Variants in DNAH11 observed in about 807,000 individuals in gnomAD.
DNAH11 encodes the protein axonemal beta dynein heavy chain 11.
DNAH11 carries 442 observed loss-of-function variants against 526.0 expected under a neutral mutation model. The ratio of observed to expected loss-of-function variants is 0.84; its 90% CI spans 0.78 to 0.91. The LOEUF (loss-of-function observed/expected upper bound fraction) is 0.91, where lower values mean the gene tolerates loss of function less well. DNAH11 is among the 40% of genes least tolerant of loss of function. DNAH11 has a pLI of 0.00. For synonymous variants in DNAH11, 2,461 were observed against 1,935.9 expected (o/e 1.27, Z -7.12); for missense variants, 6,989 against 5,448.7 (o/e 1.28, Z -8.90).
intron 20 of DNAH11, among the ~76,000 whole-genome samples, chr7:21,607,936 CAAAAAA>C (rs34293535): frequency 1.5e-4 from 10 of 68,648 alleles, no homozygotes; most frequent in Non-Finnish European, 1.8e-4. Context: ...GACTTCATCT[CAAAAAA>C]AAAAAAAAAA....
At chr7:21,844,893 G>C (rs12700310) in intron 66 of DNAH11, among the ~76,000 whole-genome samples, 80,001 of 152,036 alleles carry the variant, frequency 0.53, 24,138 homozygotes, top group Non-Finnish European at 0.69. Context: ...GTTCCCTGAG[G>C]CCTCCTTACA....
intron 44 of DNAH11, among the ~76,000 whole-genome samples, chr7:21,724,712 AACT>A (rs1785014954): frequency 3.5e-5 from 1 of 28,480 alleles, no homozygotes; most frequent in East Asian, 2.5e-3. Context: ...ATATGGGAGT[AACT>A]GGGCCAGGTC....
intron 28 of DNAH11, among the ~76,000 whole-genome samples, chr7:21,651,135 C>G (rs116597254): frequency 0.01 from 1,553 of 152,010 alleles, 25 homozygotes; most frequent in African/African-American, 0.036. Flanking sequence ...TGAATATTGT[C>G]ATTATGAATA....
At chr7:21,842,771 CA>C (rs752288701) in intron 66 of DNAH11, 23 bp downstream of exon 66, 2 of 1,570,628 alleles carry the variant, frequency 1.3e-6, no homozygotes, top group Non-Finnish European at 1.7e-6. Context: ...ACGTCACCAC[CA>C]ACACTTAGTC....
intron 69 of DNAH11, among the ~76,000 whole-genome samples, chr7:21,862,891 C>T (rs1583786088): frequency 6.6e-6 from 1 of 151,732 alleles, no homozygotes; most frequent in Admixed American, 6.6e-5. Context: ...AGTGAAACCC[C>T]GGCTCTACTA....
rs771087827 is a variant in DNAH11, at chr7:21,895,039, C to A, written c.13049+40C>A. 5.2e-6 allele frequency: 8 copies of A among 1,534,778 alleles called. No individual in the cohort carries two copies. The East Asian group carries it at 1.1e-4, about 22-fold the overall frequency. On this transcript the variant is annotated intron_variant, in intron 79 of 81. Coordinates refer to ENST00000409508, the MANE Select transcript of DNAH11 (RefSeq NM_001277115.2). ...CCTCACTGCCACTGGCCCTGAGCAG[C>A]CTCGGTGCTGGGTTAGTGTTCTGAA...
Position 21,561,694 on chromosome 7 carries a change from A to C in DNAH11, c.982+524A>C, listed in dbSNP as rs369014076. On this transcript the variant is annotated intron_variant, in intron 5 of 81. Coordinates refer to ENST00000409508, the MANE Select transcript of DNAH11 (RefSeq NM_001277115.2). The stretch of plus-strand genomic sequence containing the variant: ...GGAATCATAAAATGATATCCAGTCG[A>C]AAGTCTTCTCACCATCCTTGTCCTT... Among the ~76,000 whole-genome samples, 4 of 152,190 alleles carry C rather than the reference A, an allele frequency of 2.6e-5. No individual in the cohort carries two copies. In the East Asian group the frequency reaches 7.7e-4, roughly 29 times the overall value.
chr7:21,569,768 G>A (rs1297151450), intron 6 of DNAH11, among the ~76,000 whole-genome samples: 2 of 152,158 alleles, frequency 1.3e-5, no homozygotes, highest in Non-Finnish European at 2.9e-5. Context: ...TTTGCTGGCA[G>A]GCACAGTCAT....
intron 68 of DNAH11, among the ~76,000 whole-genome samples, chr7:21,857,926 T>G (rs911212435): frequency 6.6e-6 from 1 of 152,148 alleles, no homozygotes; most frequent in Non-Finnish European, 1.5e-5. Context: ...ACTTAATAAA[T>G]TGAACCTTAT....
At chr7:21,646,576 G>A (rs1787363776) in intron 28 of DNAH11, among the ~76,000 whole-genome samples, 1 of 152,198 alleles carries the variant, frequency 6.6e-6, no homozygotes, top group Non-Finnish European at 1.5e-5. Context: ...GTATTAGGCA[G>A]AGTGCTGAAT....
chr7:21,779,625 C>G (rs191578289), intron 57 of DNAH11, among the ~76,000 whole-genome samples: 66 of 152,192 alleles, frequency 4.3e-4, no homozygotes, highest in African/African-American at 1.6e-3. Context: ...GGAAATAATT[C>G]CCTTTAAGAT....
At position 21,768,803 on chromosome 7, in the gene DNAH11, A is replaced by G. The variant is rs143768778; in HGVS notation, c.9102+3214A>G. On this transcript the variant is annotated intron_variant, in intron 55 of 81. Transcript: ENST00000409508. The stretch of plus-strand genomic sequence containing the variant: ...GACTTGTTTCCCCAATGGTCTGTAA[A>G]TTCATTTTTAAAATGGCATGCCAAA... Among the ~76,000 whole-genome samples the G allele has an allele frequency of 2.4e-3, 359 of 152,306 alleles. 3 individuals carry two copies. The highest frequency in any genetic ancestry group is 2.5e-3 in the Non-Finnish European group (171 of 68,018).
At chr7:21,803,779 A>G (rs55658993) in intron 62 of DNAH11, among the ~76,000 whole-genome samples, 1 of 150,564 alleles carries the variant, frequency 6.6e-6, no homozygotes, top group Non-Finnish European at 1.5e-5. Context: ...AAAAGTGGGG[A>G]ATGGGGCTGT....
chr7:21,543,990 A>C (rs1371262994), intron 1 of DNAH11, among the ~76,000 whole-genome samples: 1 of 152,164 alleles, frequency 6.6e-6, no homozygotes, highest in Non-Finnish European at 1.5e-5. Flanking sequence ...GGTGTTTGGC[A>C]GAGCGCATGT....
rs544900605 is a variant in DNAH11 at position 21,726,014 on chromosome 7, A to C, written c.7440+30A>C. The C allele has an allele frequency of 4.6e-6, 7 of 1,505,924 alleles. No homozygotes were observed. The African/African-American group carries it at 9.9e-5, about 21-fold the overall frequency. The allele number at this position is 1,505,924 out of a possible 1,614,324, so 93.3% of individuals were successfully genotyped here. A position where few individuals can be genotyped will look rare whatever the true frequency, so the allele number is the denominator to read the frequency against. ...GTGTGTGGAACATAGCAATTGTATT[A>C]GTCTGTTTTCATATTGCTATAAAAA... On this transcript the variant is annotated intron_variant, in intron 45 of 81. Transcript: ENST00000409508.
intron 36 of DNAH11, among the ~76,000 whole-genome samples, 164 bp from the exon 37 acceptor site, chr7:21,702,546 A>T (rs778671540): frequency 1.4e-4 from 22 of 152,070 alleles, no homozygotes; most frequent in Non-Finnish European, 2.9e-4. Context: ...CACTACAGGG[A>T]CATGATTTTC....
In DNAH11 at chr7:21,873,326, G is replaced by T. The variant is rs977512902; in HGVS notation, c.12020G>T (p.Arg4007Ile). 2 of 1,610,688 alleles carry T rather than the reference G, an allele frequency of 1.2e-6. No individual in the cohort carries two copies. The highest frequency in any genetic ancestry group is 1.7e-6 in the Non-Finnish European group (2 of 1,178,334). Residue 4007 changes from arginine to isoleucine, a missense_variant, in exon 74 of 82, where the codon AGA becomes ATA. Coordinates refer to ENST00000409508, the MANE Select transcript of DNAH11 (RefSeq NM_001277115.2). ...WLGTLEKLLERFSQGSHRDYR... is the reference protein window; with the variant it reads ...WLGTLEKLLEIFSQGSHRDYR... ...GGAACCTTGGAGAAGCTCCTTGAAAGATTCAGCCAAGGAAGCCACAGAGAT... is the reference window on the plus strand; with the variant it reads ...GGAACCTTGGAGAAGCTCCTTGAAATATTCAGCCAAGGAAGCCACAGAGAT...
chr7:21,755,057 A>G (rs1188571984), intron 54 of DNAH11, among the ~76,000 whole-genome samples: 1 of 152,158 alleles, frequency 6.6e-6, no homozygotes, highest in Non-Finnish European at 1.5e-5. Flanking sequence ...GGGTTGGTGA[A>G]CACACCTGGC....
At chr7:21,623,079 G>T (rs952418281) in intron 25 of DNAH11, among the ~76,000 whole-genome samples, 8 of 151,316 alleles carry the variant, frequency 5.3e-5, no homozygotes, top group Non-Finnish European at 1.0e-4. Context: ...TCTGACAAAG[G>T]GCTAATATCC....
Sources: allele counts gnomAD v4.1 joint callset (sites outside exome capture counted in the v4.1 genomes callset), GRCh38; gene constraint gnomAD v4.1.1; transcripts MANE v1.5; gene names NCBI Gene and HGNC (gene_info 2026-07-23, HGNC 2026-07-21).